The following PEBP4 variants were observed in gnomAD, a reference collection of about 807,000 sequenced individuals.
PEBP4 encodes the protein phosphatidylethanolamine-binding protein 4.
In PEBP4, 22 loss-of-function variants were observed where a neutral mutation model predicts 23.9. That is an observed-to-expected ratio of 0.92 (90% CI 0.66 to 1.31). PEBP4 has a LOEUF of 1.31. Ranked by LOEUF, PEBP4 falls within the 40% of genes most tolerant of loss-of-function variation. The pLI is 0.00. For missense variants in PEBP4, 324 were observed against 281.7 expected (o/e 1.15, Z -1.07); for synonymous variants, 112 against 99.3 (o/e 1.13, Z -0.76).
rs1399944014 is a variant in PEBP4, at chr8:22,775,632, G to A, written c.357+42005C>T. Among the ~76,000 whole-genome samples the A allele has an allele frequency of 6.6e-6, 1 of 152,178 alleles. No homozygotes were observed. Among genetic ancestry groups the A allele is most frequent in the Admixed American group, 6.5e-5 (1 of 15,286 alleles). On this transcript the variant is annotated intron_variant, in intron 4 of 6. Transcript: ENST00000256404. The surrounding 1 kb of genome is among the most constrained non-coding windows in gnomAD (Gnocchi z 4.8). The stretch of plus-strand genomic sequence containing the variant: ...TTTGTCTGTGTGTGGGAGAGGGTTT[G>A]CTGGGAAGGAGGGGGACGGAGGCAG...
chr8:22,784,384 A>G (rs1334453145), intron 4 of PEBP4, among the ~76,000 whole-genome samples: 1 of 152,190 alleles, frequency 6.6e-6, no homozygotes, highest in Non-Finnish European at 1.5e-5. Flanking sequence ...AAGGGAAGGG[A>G]CAGAGTGTGG....
chr8:22,758,241 A>G (rs1392599755), intron 4 of PEBP4: 2 of 152,318 alleles, frequency 1.3e-5, no homozygotes, highest in Admixed American at 6.5e-5. Context: ...GCATCCATCC[A>G]TCTTCCCTCC....
chr8:22,903,446 AC>A (rs1221247939), intron 3 of PEBP4, among the ~76,000 whole-genome samples: 4 of 152,198 alleles, frequency 2.6e-5, no homozygotes, highest in African/African-American at 9.7e-5. Flanking sequence ...GGATTGAAAG[AC>A]GAGGCATTTC....
chr8:22,871,027 G>A (rs1414214591), intron 3 of PEBP4, among the ~76,000 whole-genome samples: 1 of 152,136 alleles, frequency 6.6e-6, no homozygotes, highest in Non-Finnish European at 1.5e-5. Context: ...GAAAATAAAA[G>A]AAAGACTTCC....
At chr8:22,787,133 T>C (rs998807095) in intron 4 of PEBP4, among the ~76,000 whole-genome samples, 1 of 152,218 alleles carries the variant, frequency 6.6e-6, no homozygotes. Context: ...TAAGGGCTGG[T>C]CCCTTCTAAT....
intron 3 of PEBP4, among the ~76,000 whole-genome samples, chr8:22,911,611 A>G (rs1237476642): frequency 6.6e-6 from 1 of 152,234 alleles, no homozygotes; most frequent in Admixed American, 6.5e-5. Context: ...GAGAGCAGGC[A>G]ACAAGTCCCT....
intron 3 of PEBP4, among the ~76,000 whole-genome samples, chr8:22,864,956 T>A (rs1016623384): frequency 6.6e-6 from 1 of 152,110 alleles, no homozygotes; most frequent in Non-Finnish European, 1.5e-5. Flanking sequence ...ATGAGGCCCC[T>A]TCACGGCCAC....
chr8:22,815,956 C>T (rs1806731604), intron 4 of PEBP4, among the ~76,000 whole-genome samples: 1 of 152,216 alleles, frequency 6.6e-6, no homozygotes, highest in Non-Finnish European at 1.5e-5. Context: ...GCCTCAGGAC[C>T]GCCGAGCAGA....
intron 3 of PEBP4, among the ~76,000 whole-genome samples, chr8:22,901,197 G>A (rs1225953961): frequency 6.6e-6 from 1 of 152,168 alleles, no homozygotes; most frequent in Admixed American, 6.5e-5. Flanking sequence ...TTCACATTGG[G>A]TGGGGCAGCT....
In PEBP4 at chr8:22,759,097, G is replaced by GATCCCCAGCTT. The variant is rs1381461165; in HGVS notation, c.358-31878_358-31877insAAGCTGGGGAT. 2.0e-5 allele frequency among the ~76,000 whole-genome samples: 3 copies of GATCCCCAGCTT among 152,284 alleles called. No individual in the cohort carries two copies. In the South Asian group the frequency reaches 6.2e-4, roughly 32 times the overall value. ...TGCTGGCCTTGGGGGAGTGATCCCA[G>GATCCCCAGCTT]GTGGCTAGAGTGGCCACAGCAGTCT... On this transcript the variant is annotated intron_variant, in intron 4 of 6. Coordinates refer to ENST00000256404, the MANE Select transcript of PEBP4 (RefSeq NM_144962.3).
chr8:22,878,716 C>G (rs1808181184), intron 3 of PEBP4, among the ~76,000 whole-genome samples: 1 of 152,190 alleles, frequency 6.6e-6, no homozygotes, highest in Non-Finnish European at 1.5e-5. Context: ...CATTCCCTGG[C>G]TTCATCAGAG....
chr8:22,719,068 T>C (rs1004347679), intron 6 of PEBP4, among the ~76,000 whole-genome samples: 1 of 152,030 alleles, frequency 6.6e-6, no homozygotes, highest in African/African-American at 2.4e-5. Flanking sequence ...TCCCTGCCCG[T>C]CTCTCCTCTC....
intron 4 of PEBP4, among the ~76,000 whole-genome samples, chr8:22,777,910 CT>C (rs1236946555): frequency 6.6e-6 from 1 of 152,194 alleles, no homozygotes; most frequent in African/African-American, 2.4e-5. Flanking sequence ...AGCTTGGCTC[CT>C]TCGTTACAGC....
At chr8:22,924,799 G>A (rs1809288343) in intron 2 of PEBP4, 1 of 985,236 alleles carries the variant, frequency 1.0e-6, no homozygotes, top group African/African-American at 1.7e-5. Flanking sequence ...CCCAGGGTTG[G>A]GACCGTCGGT....
At chr8:22,727,347 T>G (rs62494331) in intron 4 of PEBP4, 127 bp from the exon 5 acceptor site, 8 of 915,516 alleles carry the variant, frequency 8.7e-6, no homozygotes, top group Admixed American at 6.2e-5. Flanking sequence ...GGAGAAGAAG[T>G]AGGATGGGAG....
At chr8:22,788,576 G>A (rs1057195433) in intron 4 of PEBP4, among the ~76,000 whole-genome samples, 6 of 152,136 alleles carry the variant, frequency 3.9e-5, no homozygotes, top group Admixed American at 1.3e-4. Context: ...CCTGGGCCTC[G>A]GTTTCCTCAT....
At chr8:22,746,539 G>A (rs1441630726) in intron 4 of PEBP4, among the ~76,000 whole-genome samples, 1 of 151,718 alleles carries the variant, frequency 6.6e-6, no homozygotes, top group East Asian at 1.9e-4. Context: ...CCTTCTCTCC[G>A]ATTCCAGCCT....
chr8:22,753,211 C>T (rs929110237), intron 4 of PEBP4, among the ~76,000 whole-genome samples: 4 of 152,134 alleles, frequency 2.6e-5, no homozygotes, highest in African/African-American at 9.7e-5. Context: ...GTGTTCATTC[C>T]ATGGGAACCA....
chr8:22,818,569 G>C (rs763870170), intron 3 of PEBP4, among the ~76,000 whole-genome samples: 2 of 152,168 alleles, frequency 1.3e-5, no homozygotes, highest in Non-Finnish European at 2.9e-5. Context: ...CTCTAGGCCT[G>C]GATAGGGAGT....
Sources: gnomAD v4.1 joint callset for allele counts (sites outside exome capture counted in the v4.1 genomes callset) on GRCh38, gnomAD v4.1.1 for gene constraint, Gnocchi (gnomAD v3.1) non-coding constraint, MANE v1.5 for transcripts, NCBI Gene and HGNC (gene_info 2026-07-23, HGNC 2026-07-21) for gene names.